SMG6: variants seen among roughly 807,000 people sequenced by gnomAD.
SMG6 encodes telomerase-binding protein EST1A.
A neutral mutation model predicts 142.2 loss-of-function variants in SMG6; 66 were observed. The ratio of observed to expected loss-of-function variants is 0.46; its 90% confidence interval spans 0.38 to 0.57. The LOEUF (loss-of-function observed/expected upper bound fraction) is 0.57. SMG6 is among the 20% of genes least tolerant of loss of function. The pLI is 0.00. For missense variants in SMG6, 1,793 were observed against 1,832.0 expected, an observed-to-expected ratio of 0.98 and a Z score of 0.39; for synonymous variants, 779 against 702.4, an observed-to-expected ratio of 1.11 and a Z score of -1.72.
At chr17:2,272,284 G>T (rs1160017588) in intron 8 of SMG6, among the ~76,000 whole-genome samples, 6 of 152,046 alleles carry the variant, frequency 3.9e-5, no homozygotes, top group African/African-American at 1.4e-4. Flanking sequence ...TTCCCACTCT[G>T]CCCAGTTAAC....
chr17:2,090,397 G>A (rs1305433253), intron 13 of SMG6, among the ~76,000 whole-genome samples: 3 of 152,032 alleles, frequency 2.0e-5, no homozygotes, highest in African/African-American at 7.3e-5. Context: ...ACATACTCAT[G>A]TGCTCTGAGT....
At chr17:2,175,893 G>T (rs1273265698) in intron 12 of SMG6, among the ~76,000 whole-genome samples, 1 of 152,100 alleles carries the variant, frequency 6.6e-6, no homozygotes, top group Non-Finnish European at 1.5e-5. Context: ...GTTTCAGTGG[G>T]ATCACCCAAA....
chr17:2,292,475 G>A (rs2075059319), intron 6 of SMG6, 77 bp downstream of exon 6: 2 of 1,382,716 alleles, frequency 1.4e-6, no homozygotes, highest in East Asian at 2.3e-5. Flanking sequence ...TGAAGCTCCA[G>A]GAACTGATAT....
intron 13 of SMG6, among the ~76,000 whole-genome samples, chr17:2,153,736 A>T (rs939055911): frequency 2.2e-5 from 3 of 138,736 alleles, no homozygotes; most frequent in Non-Finnish European, 4.6e-5. Context: ...GTGACGGGGG[A>T]ACCTGGGGAT....
chr17:2,303,537 C>T, intron 1 of SMG6, 96 bp downstream of exon 1: 3 of 1,340,566 alleles, frequency 2.2e-6, no homozygotes, highest in Non-Finnish European at 1.9e-6. Flanking sequence ...GGGGCGGGGG[C>T]TCCGGAGCCG....
rs755245117 is a variant in SMG6, at chr17:2,299,278, C to T, written c.1475G>A (p.Arg492His). 9 of 1,613,928 alleles carry T rather than the reference C, an allele frequency of 5.6e-6. No individual in the cohort carries two copies. The highest frequency in any genetic ancestry group is 2.2e-5 in the East Asian group (1 of 44,888). ...CTTATAGTAAGATGCCTGAGCCTGG[C>T]GTGAGTCACCCCAAGATGTAGGGCT... ...EVSPTSWGDSRQAQASYYKFQ... is the reference protein window; with the variant it reads ...EVSPTSWGDSHQAQASYYKFQ... The change falls in exon 2 of 19, where the codon CGC becomes CAC. Residue 492 changes from arginine to histidine, a missense_variant. Coordinates refer to ENST00000263073, the MANE Select transcript of SMG6 (RefSeq NM_017575.5). The surrounding 1 kb of genome is among the most constrained non-coding windows in gnomAD (Gnocchi z 4.3).
At chr17:2,185,468 T>C (rs1196028276) in intron 12 of SMG6, among the ~76,000 whole-genome samples, 1 of 151,828 alleles carries the variant, frequency 6.6e-6, no homozygotes, top group African/African-American at 2.4e-5. Context: ...ATAGTTAAGA[T>C]GGCAAATGTT....
rs368911335 is a variant in SMG6, at chr17:2,087,416, C to T, written c.3358-1515G>A. The T allele has an allele frequency of 3.0e-5, 35 of 1,185,678 alleles. No individual in the cohort carries two copies. In the East Asian group the frequency reaches 7.6e-4, roughly 26 times the overall value. The allele number at this position is 1,185,678 out of a possible 1,614,324, so 73.4% of individuals were successfully genotyped here. ...ATCCTCTGCCACCTTCACCAAAAAGCCAACCCCGCTTTCCTACACGGTCTA... is the reference window on the plus strand; with the variant it reads ...ATCCTCTGCCACCTTCACCAAAAAGTCAACCCCGCTTTCCTACACGGTCTA... On this transcript the variant is annotated intron_variant, in intron 13 of 18. Transcript: ENST00000263073.
At chr17:2,290,778 G>A (rs2075012894) in intron 6 of SMG6, among the ~76,000 whole-genome samples, 1 of 152,118 alleles carries the variant, frequency 6.6e-6, no homozygotes, top group Admixed American at 6.5e-5. Context: ...TTAAAAATGG[G>A]CAAAAAAGTA....
intron 10 of SMG6, among the ~76,000 whole-genome samples, chr17:2,189,873 C>T (rs1389682966): frequency 6.6e-6 from 1 of 152,180 alleles, no homozygotes; most frequent in Non-Finnish European, 1.5e-5. Flanking sequence ...TTGATTGTGG[C>T]TTTCCCACCA....
At chr17:2,200,940 T>A (rs1212552116) in intron 10 of SMG6, among the ~76,000 whole-genome samples, 1 of 152,212 alleles carries the variant, frequency 6.6e-6, no homozygotes, top group Admixed American at 6.5e-5. Flanking sequence ...ATTATTTATT[T>A]TTTAATTGGC....
chr17:2,293,774 A>C (rs922183994), intron 4 of SMG6, among the ~76,000 whole-genome samples: 1 of 152,186 alleles, frequency 6.6e-6, no homozygotes, highest in African/African-American at 2.4e-5. Flanking sequence ...ACGCCCACCC[A>C]CTTTTTTTGC....
chr17:2,168,063 T>C (rs1435492302), intron 13 of SMG6, among the ~76,000 whole-genome samples: 1 of 152,106 alleles, frequency 6.6e-6, no homozygotes, highest in East Asian at 1.9e-4. Flanking sequence ...GGACAAGGCC[T>C]CACTATGTCA....
Position 2,081,929 on chromosome 17 carries a change from CAA to C in SMG6, c.3560_3561del (p.Phe1187Ter). 6.2e-7 allele frequency: 1 copy of C among 1,614,200 alleles called. No homozygotes were observed. Among genetic ancestry groups the C allele is most frequent in the African/African-American group, 1.3e-5 (1 of 75,082 alleles). On this transcript the variant is annotated frameshift_variant, in exon 15 of 19. Coordinates refer to ENST00000263073, the MANE Select transcript of SMG6 (RefSeq NM_017575.5). LOFTEE classifies it high-confidence loss of function. ...DEEEDVVIED[F>X]EEDSEAEGSG... is the part of the protein sequence containing the mutation. ...CTGCCTTCAGCCTCTGAATCTTCCT[CAA>C]AGTCTTCAATCACCACATCCTCCTC...
intron 8 of SMG6, among the ~76,000 whole-genome samples, chr17:2,251,429 C>T (rs1168133916): frequency 1.2e-4 from 18 of 152,150 alleles, no homozygotes. Context: ...CCCTTTACTT[C>T]CTCCACTCCA....
At chr17:2,143,065 AT>A (rs1006677515) in intron 13 of SMG6, among the ~76,000 whole-genome samples, 3 of 152,304 alleles carry the variant, frequency 2.0e-5, no homozygotes, top group East Asian at 3.9e-4. Flanking sequence ...AATAAAAAAA[AT>A]AATAAGTGTT....
chr17:2,194,683 C>G (rs2072264863), intron 10 of SMG6, among the ~76,000 whole-genome samples: 1 of 143,758 alleles, frequency 7.0e-6, no homozygotes, highest in Non-Finnish European at 1.5e-5. Context: ...GACCCTGTCT[C>G]TACCAAAAGA....
intron 13 of SMG6, among the ~76,000 whole-genome samples, chr17:2,116,744 C>A (rs1183722157): frequency 6.6e-6 from 1 of 151,440 alleles, no homozygotes; most frequent in African/African-American, 2.4e-5. Context: ...CGAGACTCTG[C>A]CTCAAAAAAA....
intron 10 of SMG6, among the ~76,000 whole-genome samples, chr17:2,207,506 G>A (rs1415008840): frequency 6.6e-6 from 1 of 152,034 alleles, no homozygotes; most frequent in Non-Finnish European, 1.5e-5. Context: ...CCAGAATGAG[G>A]AATGAAGAAC....
Sources: gnomAD v4.1 joint callset for allele counts (sites outside exome capture counted in the v4.1 genomes callset) on GRCh38, gnomAD v4.1.1 for gene constraint, Gnocchi (gnomAD v3.1) non-coding constraint, MANE v1.5 for transcripts, NCBI Gene and HGNC (gene_info 2026-07-23, HGNC 2026-07-21) for gene names.